Variants in RABL6 observed in about 807,000 individuals in gnomAD.
RABL6 encodes RAB, member RAS oncogene family like 6.
A neutral mutation model predicts 72.9 loss-of-function variants in RABL6; 28 were observed. That is an observed-to-expected ratio of 0.38 (90% CI 0.28 to 0.53). The LOEUF (loss-of-function observed/expected upper bound fraction) is 0.53. Ranked by LOEUF, RABL6 falls within the 20% of genes least tolerant of loss-of-function variation. The pLI is 0.80. For synonymous variants in RABL6, 477 were observed against 421.2 expected (o/e 1.13, Z -1.62); for missense variants, 1,029 against 1,008.4 (o/e 1.02, Z -0.28).
intron 8 of RABL6, 160 bp from the exon 9 acceptor site, chr9:136,837,186 C>G: frequency 1.2e-6 from 1 of 854,324 alleles, no homozygotes; most frequent in Non-Finnish European, 2.0e-6. Flanking sequence ...GCACTGCTGC[C>G]CTTGGAAGTG....
chr9:136,817,416 A>C (rs1284313276), intron 1 of RABL6, among the ~76,000 whole-genome samples: 1 of 152,220 alleles, frequency 6.6e-6, no homozygotes, highest in Non-Finnish European at 1.5e-5. Context: ...TCTTAGATGC[A>C]ACCAGAACAA....
intron 3 of RABL6, 37 bp downstream of exon 3, chr9:136,825,863 G>A (rs780097212): frequency 6.3e-6 from 10 of 1,590,238 alleles, no homozygotes; most frequent in African/African-American, 1.3e-5. Flanking sequence ...TTCTCTCTGG[G>A]ACTGTGTGCT....
chr9:136,812,463 G>T (rs576784543), intron 1 of RABL6, among the ~76,000 whole-genome samples: 1 of 152,250 alleles, frequency 6.6e-6, no homozygotes, highest in Non-Finnish European at 1.5e-5. Context: ...GGAGGCTGAG[G>T]CAGGAGAATC....
intron 8 of RABL6, 90 bp downstream of exon 8, chr9:136,835,935 G>T: frequency 8.0e-7 from 1 of 1,252,934 alleles, no homozygotes; most frequent in Admixed American, 2.2e-5. Context: ...GGAGACAGCA[G>T]AGGGGAGTGT....
rs561003760 is a variant in RABL6, at chr9:136,834,101, C to T, written c.706-1641C>T. ...TGTTCAAGCAGATCTGATGTCCTCG[C>T]CTGTCTCAGCAGCGGGACCCCTGTT... On this transcript the variant is annotated intron_variant, in intron 7 of 14. Coordinates refer to ENST00000311502, the MANE Select transcript of RABL6 (RefSeq NM_024718.5). 8.7e-5 allele frequency: 115 copies of T among 1,324,420 alleles called. 3 individuals are homozygous for T. In the South Asian group the frequency reaches 2.7e-3, roughly 31 times the overall value. The allele number at this position is 1,324,420 out of a possible 1,614,324, so 82.0% of individuals were successfully genotyped here.
chr9:136,832,606 C>T, intron 7 of RABL6: 1 of 580,090 alleles, frequency 1.7e-6, no homozygotes, highest in Non-Finnish European at 3.1e-6. Context: ...TGCGGGGACC[C>T]CTTGCTCAGT....
At chr9:136,813,898 AGCCACTGC>A (rs1241374506) in intron 1 of RABL6, 41 of 293,574 alleles carry the variant, frequency 1.4e-4, no homozygotes, top group Admixed American at 1.9e-4. Context: ...TACAGGTGTG[AGCCACTGC>A]GCCACTGCGC....
intron 1 of RABL6, chr9:136,821,994 G>A: frequency 7.8e-7 from 1 of 1,289,722 alleles, no homozygotes; most frequent in South Asian, 1.2e-5. Context: ...GGCGCGTTGA[G>A]GTACCTAGGA....
chr9:136,809,465 TG>T lies in RABL6; in HGVS notation c.130+1140del, dbSNP rs566271590. 41 of 317,956 alleles carry T rather than the reference TG, an allele frequency of 1.3e-4. No homozygotes were observed. In the East Asian group the frequency reaches 4.5e-3, roughly 35 times the overall value. The allele number at this position is 317,956 out of a possible 1,614,324, so 19.7% of individuals were successfully genotyped here. A position where few individuals can be genotyped will look rare whatever the true frequency, so the allele number is the denominator to read the frequency against. On this transcript the variant is annotated intron_variant, in intron 1 of 14. Coordinates refer to ENST00000311502, the MANE Select transcript of RABL6 (RefSeq NM_024718.5). ...TAAAACAACTTCTTAAAGATAAGTC[TG>T]AGCATCTAGGTATGAAAGTTGGTGT... is the stretch of plus-strand genomic sequence containing the variant.
chr9:136,840,006 C>G, intron 13 of RABL6, 141 bp downstream of exon 13: 2 of 1,478,372 alleles, frequency 1.4e-6, no homozygotes, highest in Admixed American at 3.7e-5. Context: ...CCTGCAGGAG[C>G]TGATGTTTGC....
At chr9:136,828,584 G>A in intron 4 of RABL6, 38 bp downstream of exon 4, 1 of 1,603,482 alleles carries the variant, frequency 6.2e-7, no homozygotes. Context: ...AGTGGCTCAG[G>A]GCCCCGGGGT....
rs1352410134 is a variant in RABL6 at position 136,837,588 on chromosome 9, C to G, written c.1052C>G (p.Pro351Arg). The G allele has an allele frequency of 6.3e-7, 1 of 1,589,396 alleles. No individual in the cohort carries two copies. The highest frequency in any genetic ancestry group is 8.5e-7 in the Non-Finnish European group (1 of 1,170,376). ...ALPPPACPSA[P>R]APRRSIISRL... ...CCCCCACCTGCGTGCCCCTCAGCCC[C>G]CGCCCCACGGCGCAGCATCATCTCT... Residue 351 changes from proline to arginine, a missense_variant, in exon 9 of 15, where the codon CCC (proline) becomes CGC (arginine). Pro to Arg is a moderately radical substitution (Grantham distance 103). This residue lies in a region of RABL6 where 434 missense variants were observed against 536.1 expected (regional missense o/e 0.81). Transcript: ENST00000311502.
chr9:136,810,535 T>C (rs1183260376), intron 1 of RABL6, among the ~76,000 whole-genome samples: 1 of 152,210 alleles, frequency 6.6e-6, no homozygotes, highest in Admixed American at 6.5e-5. Context: ...GTATTTCTTT[T>C]CTTTTCTTTT....
chr9:136,834,681 A>G (rs774265230), intron 7 of RABL6, among the ~76,000 whole-genome samples: 30 of 152,048 alleles, frequency 2.0e-4, no homozygotes, highest in South Asian at 4.2e-4. Context: ...GTTTTGCCAT[A>G]TTGGCCAGGA....
intron 1 of RABL6, among the ~76,000 whole-genome samples, chr9:136,820,748 C>T (rs1203281387): frequency 6.6e-6 from 1 of 152,054 alleles, no homozygotes; most frequent in Non-Finnish European, 1.5e-5. Context: ...AGCAAAATGA[C>T]AGCTGGTAAA....
chr9:136,835,473 T>G, intron 7 of RABL6: 1 of 405,190 alleles, frequency 2.5e-6, no homozygotes, highest in Non-Finnish European at 4.5e-6. Flanking sequence ...GTGCTTGCTG[T>G]TGAGGTTTAT....
intron 7 of RABL6, chr9:136,834,330 C>A (rs1261184546): frequency 9.9e-7 from 1 of 1,008,060 alleles, no homozygotes; most frequent in African/African-American, 1.7e-5. Context: ...AAATAAAATT[C>A]CCAAAGAGTT....
At chr9:136,824,187 G>T (rs1848302087) in intron 2 of RABL6, among the ~76,000 whole-genome samples, 1 of 152,176 alleles carries the variant, frequency 6.6e-6, no homozygotes, top group Admixed American at 6.5e-5. Context: ...ATGCGGGAAG[G>T]TGGGGGAGGT....
intron 1 of RABL6, among the ~76,000 whole-genome samples, chr9:136,822,492 G>C (rs999555802): frequency 6.6e-6 from 1 of 152,152 alleles, no homozygotes; most frequent in South Asian, 2.1e-4. Flanking sequence ...TGGCTGCTGC[G>C]TCCGCACAGC....
Sources: gnomAD v4.1 joint callset for allele counts (sites outside exome capture counted in the v4.1 genomes callset) on GRCh38, gnomAD v4.1.1 for gene constraint, gnomAD v4.1.1 regional missense constraint, MANE v1.5 for transcripts, NCBI Gene and HGNC (gene_info 2026-07-23, HGNC 2026-07-21) for gene names.